LAMA2: variants seen among roughly 807,000 people sequenced by gnomAD.
LAMA2 encodes laminin subunit alpha-2.
A neutral mutation model predicts 364.8 loss-of-function variants in LAMA2; 269 were observed. The observed-to-expected ratio is 0.74, with a 90% CI of 0.67 to 0.82. The LOEUF is 0.82. Among genes scored for constraint, LAMA2 ranks in the 40% least tolerant of loss-of-function variants. The pLI is 0.00. For missense variants in LAMA2, 3,807 were observed against 3,873.2 expected (o/e 0.98, Z 0.45); for synonymous variants, 1,379 against 1,370.6 (o/e 1.01, Z -0.14).
chr6:128,967,736 A>T (rs1006926148), intron 1 of LAMA2, among the ~76,000 whole-genome samples: 1 of 152,194 alleles, frequency 6.6e-6, no homozygotes, highest in African/African-American at 2.4e-5. Context: ...ACCCTAGGGA[A>T]ACACGGATTT....
intron 4 of LAMA2, among the ~76,000 whole-genome samples, chr6:129,125,211 G>T (rs189315601): frequency 6.6e-6 from 1 of 152,284 alleles, no homozygotes. Flanking sequence ...AAGACTGTGG[G>T]CATAGCAGGT....
chr6:129,430,674 AT>A (rs576054004), intron 41 of LAMA2, among the ~76,000 whole-genome samples: 15 of 152,200 alleles, frequency 9.9e-5, no homozygotes, highest in African/African-American at 3.6e-4. Flanking sequence ...TAGACAAGAA[AT>A]TTTTTAAGGC....
At chr6:129,469,108 C>T (rs746834636) in intron 51 of LAMA2, among the ~76,000 whole-genome samples, 4 of 151,894 alleles carry the variant, frequency 2.6e-5, no homozygotes, top group African/African-American at 7.2e-5. Context: ...TAGAAGATAA[C>T]GCTGGGCATG....
intron 3 of LAMA2, among the ~76,000 whole-genome samples, chr6:129,080,219 A>G (rs1416631981): frequency 1.3e-5 from 2 of 152,180 alleles, no homozygotes; most frequent in Non-Finnish European, 2.9e-5. Context: ...CAGAAATTAA[A>G]CAACTTCCTC....
intron 4 of LAMA2, among the ~76,000 whole-genome samples, chr6:129,130,798 C>T (rs887856846): frequency 7.6e-4 from 116 of 151,960 alleles, no homozygotes; most frequent in African/African-American, 2.6e-3. Context: ...TTTACAGGTG[C>T]CATTTTATAA....
At chr6:129,240,287 A>T (rs1245801686) in intron 12 of LAMA2, among the ~76,000 whole-genome samples, 1 of 152,106 alleles carries the variant, frequency 6.6e-6, no homozygotes, top group African/African-American at 2.4e-5. Context: ...CTCAAATGTT[A>T]ATCTCCTTTG....
At chr6:129,410,672 G>A (rs965373082) in intron 40 of LAMA2, among the ~76,000 whole-genome samples, 1 of 152,098 alleles carries the variant, frequency 6.6e-6, no homozygotes, top group African/African-American at 2.4e-5. Flanking sequence ...GGATGGATAG[G>A]TGGATAATAG....
chr6:128,965,536 C>A (rs4262207), intron 1 of LAMA2, among the ~76,000 whole-genome samples: 146,397 of 152,066 alleles, frequency 0.96, 70,564 homozygotes, highest in East Asian at 1. Flanking sequence ...TTTTTATTTT[C>A]CTCTTGTTTC....
intron 9 of LAMA2, among the ~76,000 whole-genome samples, chr6:129,172,803 G>A (rs1324682417): frequency 1.3e-5 from 2 of 152,228 alleles, no homozygotes; most frequent in African/African-American, 4.8e-5. Context: ...ATCTCAGACT[G>A]CTGTGCTAGC....
At chr6:129,056,132 A>G (rs1788470097) in intron 2 of LAMA2, among the ~76,000 whole-genome samples, 1 of 152,204 alleles carries the variant, frequency 6.6e-6, no homozygotes, top group African/African-American at 2.4e-5. Flanking sequence ...TTTCTATCAC[A>G]TATTAAACGC....
At chr6:129,279,232 G>A (rs565289993) in intron 17 of LAMA2, among the ~76,000 whole-genome samples, 84 of 152,270 alleles carry the variant, frequency 5.5e-4, no homozygotes, top group African/African-American at 1.6e-3. Context: ...ACGCATTACC[G>A]TGTGTCAATC....
chr6:129,483,041 T>C (rs1220289165), intron 55 of LAMA2, among the ~76,000 whole-genome samples: 1 of 140,464 alleles, frequency 7.1e-6, no homozygotes, highest in Non-Finnish European at 1.5e-5. Context: ...CACTCCAGCC[T>C]GCGCGACAAT....
At chr6:129,182,112 A>C (rs762054276) in intron 10 of LAMA2, among the ~76,000 whole-genome samples, 5 of 151,916 alleles carry the variant, frequency 3.3e-5, no homozygotes, top group African/African-American at 4.8e-5. Flanking sequence ...AAAAAATGTA[A>C]TAAAAATACT....
chr6:129,490,788 C>T (rs1225069269), intron 56 of LAMA2: 1 of 152,078 alleles, frequency 6.6e-6, no homozygotes, highest in East Asian at 1.9e-4. Context: ...AAGAAAGAAA[C>T]CTCAAAAGTA....
At chr6:128,897,257 G>A (rs1381682999) in intron 1 of LAMA2, among the ~76,000 whole-genome samples, 1 of 152,050 alleles carries the variant, frequency 6.6e-6, no homozygotes, top group African/African-American at 2.4e-5. Context: ...CCTATGAAAA[G>A]ATTAACAATT....
intron 10 of LAMA2, among the ~76,000 whole-genome samples, chr6:129,179,631 CACAG>C (rs751526876): frequency 1.3e-4 from 20 of 152,044 alleles, no homozygotes; most frequent in Admixed American, 3.9e-4. Context: ...TGAAGCTCTA[CACAG>C]ACAATTAAAA....
At chr6:129,251,715 C>T (rs1453628186) in intron 13 of LAMA2, among the ~76,000 whole-genome samples, 1 of 152,056 alleles carries the variant, frequency 6.6e-6, no homozygotes. Context: ...GGTGGATCAC[C>T]TGATGTCAGG....
Position 129,369,990 on chromosome 6 carries a change from G to A in LAMA2, c.4959G>A (p.Arg1653=). 6.2e-7 allele frequency: 1 copy of A among 1,613,198 alleles called. No homozygotes were observed. Residue 1653 remains arginine (R), a splice_region_variant and synonymous_variant, in exon 34 of 65, where the codon AGG becomes AGA. Coordinates refer to ENST00000421865, the MANE Select transcript of LAMA2 (RefSeq NM_000426.4). ...LVTEMNELLT[R]ATKVTADGEQ... ...CCGAAATGAACGAGCTGCTGACCAGGGTAAGGTGGCAAAATTATGAATCTT... is the reference window on the plus strand; with the variant it reads ...CCGAAATGAACGAGCTGCTGACCAGAGTAAGGTGGCAAAATTATGAATCTT...
intron 29 of LAMA2, among the ~76,000 whole-genome samples, chr6:129,331,033 T>A (rs909701295): frequency 3.9e-5 from 6 of 151,992 alleles, no homozygotes; most frequent in Admixed American, 1.3e-4. Flanking sequence ...CATGCCCGGC[T>A]TCTTTTTTTG....
Sources: allele counts gnomAD v4.1 joint callset (sites outside exome capture counted in the v4.1 genomes callset), GRCh38; gene constraint gnomAD v4.1.1; transcripts MANE v1.5; gene names NCBI Gene and HGNC (gene_info 2026-07-23, HGNC 2026-07-21).